TGS1: variants seen among roughly 807,000 people sequenced by gnomAD.
TGS1 encodes the protein trimethylguanosine synthase.
In TGS1, 69 loss-of-function variants were observed where a neutral mutation model predicts 92.2. The observed-to-expected ratio is 0.75, with a 90% CI of 0.62 to 0.91. The LOEUF is 0.91. TGS1 is among the 40% of genes least tolerant of loss of function. The pLI is 0.00. For synonymous variants in TGS1, 345 were observed against 338.1 expected (o/e 1.02, Z -0.22); for missense variants, 1,062 against 1,001.2 (o/e 1.06, Z -0.82).
At chr8:55,790,578 A>G (rs1257233043) in intron 5 of TGS1, among the ~76,000 whole-genome samples, 2 of 150,980 alleles carry the variant, frequency 1.3e-5, no homozygotes, top group African/African-American at 2.4e-5. Flanking sequence ...ATAGCTCACT[A>G]TGATCTTGAA....
rs1254688760 is a variant in TGS1 at position 55,796,148 on chromosome 8, G to C, written c.1538G>C (p.Ser513Thr). The C allele has an allele frequency of 1.9e-6, 3 of 1,603,494 alleles. No individual in the cohort carries two copies. Among genetic ancestry groups the C allele is most frequent in the Non-Finnish European group, 2.6e-6 (3 of 1,173,018 alleles). Reference protein sequence around the residue: ...KPFFKKSKILSKVEKFLTWVN... With the variant: ...KPFFKKSKILTKVEKFLTWVN... ...TTTTTCAAGAAAAGCAAAATTCTGA[G>C]TAAGGTATGTATAAATTTTGTTGCA... Residue 513 changes from serine to threonine, a missense_variant, in exon 7 of 13, where the codon AGT (serine) becomes ACT (threonine). Physicochemically the swap from Ser to Thr is moderately conservative, Grantham distance 58 (BLOSUM62 1). Coordinates refer to ENST00000260129, the MANE Select transcript of TGS1 (RefSeq NM_024831.8).
Position 55,825,821 on chromosome 8 carries a change from G to A in TGS1, c.*1118G>A, listed in dbSNP as rs1401704725. ...GGTGAAATTACTTTTTCATTAATTC[G>A]CAATTTCAAAATCTGTCCAAATGTT... is the stretch of plus-strand genomic sequence containing the variant. On this transcript the variant is annotated 3_prime_UTR_variant, in exon 13 of 13. Transcript: ENST00000260129. Among the ~76,000 whole-genome samples the A allele has an allele frequency of 1.3e-5, 2 of 151,788 alleles. No individual in the cohort carries two copies. The highest frequency in any genetic ancestry group is 2.9e-5 in the Non-Finnish European group (2 of 67,982).
At chr8:55,819,731 T>G (rs1437418778) in intron 12 of TGS1, among the ~76,000 whole-genome samples, 1 of 152,218 alleles carries the variant, frequency 6.6e-6, no homozygotes, top group Non-Finnish European at 1.5e-5. Flanking sequence ...TTAATGAATA[T>G]TTTTAAGTTT....
chr8:55,822,234 A>T (rs933770756), intron 12 of TGS1, among the ~76,000 whole-genome samples: 6 of 151,770 alleles, frequency 4.0e-5, no homozygotes, highest in African/African-American at 1.5e-4. Context: ...CACCCCCAGC[A>T]AATTTTTTTG....
At position 55,802,614 on chromosome 8, in the gene TGS1, A is replaced by G. The variant is rs1812250582; in HGVS notation, c.1999+8A>G. 3 of 1,586,194 alleles carry G rather than the reference A, an allele frequency of 1.9e-6. No homozygotes were observed. Among genetic ancestry groups the G allele is most frequent in the Non-Finnish European group, 2.6e-6 (3 of 1,170,784 alleles). ...GGATTAAGTTGGACAGAGGTAAAGTATATATGTATTTTTTAGCTTTATTTT... is the reference window on the plus strand; with the variant it reads ...GGATTAAGTTGGACAGAGGTAAAGTGTATATGTATTTTTTAGCTTTATTTT... On this transcript the variant is annotated splice_region_variant and intron_variant, in intron 9 of 12. Coordinates refer to ENST00000260129, the MANE Select transcript of TGS1 (RefSeq NM_024831.8).
chr8:55,819,444 A>G (rs1189046598), intron 12 of TGS1, among the ~76,000 whole-genome samples: 2 of 151,188 alleles, frequency 1.3e-5, no homozygotes, highest in Non-Finnish European at 2.9e-5. Context: ...TTACAGGCAT[A>G]TGCCACTATG....
At chr8:55,780,403 A>G (rs1563449585) in intron 1 of TGS1, among the ~76,000 whole-genome samples, 1 of 152,026 alleles carries the variant, frequency 6.6e-6, no homozygotes, top group Non-Finnish European at 1.5e-5. Context: ...ATGTTTCATC[A>G]GGAATAGTTG....
chr8:55,805,299 T>C (rs929997532), intron 10 of TGS1, among the ~76,000 whole-genome samples: 2 of 152,142 alleles, frequency 1.3e-5, no homozygotes, highest in Admixed American at 1.3e-4. Context: ...GTAAATATAT[T>C]GGAAAATGTT....
chr8:55,792,105 C>T (rs151257657), intron 5 of TGS1, among the ~76,000 whole-genome samples: 18 of 152,300 alleles, frequency 1.2e-4, no homozygotes, highest in African/African-American at 2.6e-4. Flanking sequence ...GTTCAATGAG[C>T]GTAACTTATT....
chr8:55,817,154 C>T (rs766469933), intron 12 of TGS1, among the ~76,000 whole-genome samples: 2 of 152,170 alleles, frequency 1.3e-5, no homozygotes, highest in African/African-American at 2.4e-5. Context: ...TGAGCCACCA[C>T]GCCTGGCCCT....
rs1811285598 is a variant in TGS1, at chr8:55,773,690, A to T, written c.72A>T (p.Ile24=). The T allele has an allele frequency of 6.2e-7, 1 of 1,611,402 alleles. No individual in the cohort carries two copies. Among genetic ancestry groups the T allele is most frequent in the African/African-American group, 1.3e-5 (1 of 74,958 alleles). ...LFIEEREDCK[I]LCLCSRAFVE... is the part of the protein sequence containing the mutation. ...TTGAGGAGCGGGAGGATTGTAAGATACTGTGCCTTTGCTCCAGGGCATTTG... is the reference window on the plus strand; with the variant it reads ...TTGAGGAGCGGGAGGATTGTAAGATTCTGTGCCTTTGCTCCAGGGCATTTG... Residue 24 remains isoleucine, a synonymous_variant, in exon 1 of 13, where the codon ATA becomes ATT. Coordinates refer to ENST00000260129, the MANE Select transcript of TGS1 (RefSeq NM_024831.8).
intron 12 of TGS1, among the ~76,000 whole-genome samples, chr8:55,819,740 T>C (rs1421551976): frequency 2.0e-5 from 3 of 152,322 alleles, no homozygotes; most frequent in Admixed American, 6.5e-5. Context: ...ATTTTTAAGT[T>C]TGAATGATGC....
At chr8:55,800,687 T>C (rs1812192494) in intron 8 of TGS1, among the ~76,000 whole-genome samples, 1 of 152,246 alleles carries the variant, frequency 6.6e-6, no homozygotes, top group African/African-American at 2.4e-5. Flanking sequence ...CACAATGTCA[T>C]TATACCCCCT....
At position 55,802,913 on chromosome 8, in the gene TGS1, A is replaced by G. The variant is rs190613268; in HGVS notation, c.1999+307A>G. Reference sequence around the variant, plus strand: ...ACATTGTTCCAATATTTTAATCTACAGTTTATACTCTAATTTCATTAATTG... The same window carrying G: ...ACATTGTTCCAATATTTTAATCTACGGTTTATACTCTAATTTCATTAATTG... On this transcript the variant is annotated intron_variant, in intron 9 of 12. Transcript: ENST00000260129. 1.3e-4 allele frequency among the ~76,000 whole-genome samples: 20 copies of G among 152,044 alleles called. No homozygotes were observed. The East Asian group carries it at 3.9e-3, about 29-fold the overall frequency.
chr8:55,813,003 C>G, intron 11 of TGS1, 37 bp from the exon 12 acceptor site: 2 of 1,358,678 alleles, frequency 1.5e-6, no homozygotes, highest in Non-Finnish European at 1.1e-6. Flanking sequence ...TAGAAATTAG[C>G]TGCTGTTTTC....
intron 12 of TGS1, among the ~76,000 whole-genome samples, chr8:55,814,338 C>T (rs1803415123): frequency 6.6e-6 from 1 of 152,054 alleles, no homozygotes; most frequent in South Asian, 2.1e-4. Flanking sequence ...AATTTTTAAA[C>T]TGCCCAAAGT....
Position 55,796,154 on chromosome 8 carries a change from T to C in TGS1, c.1542+2T>C. 2.5e-6 allele frequency: 4 copies of C among 1,598,956 alleles called. No homozygotes were observed. Among genetic ancestry groups the C allele is most frequent in the Non-Finnish European group, 3.4e-6 (4 of 1,170,614 alleles). Reference sequence around the variant, plus strand: ...AAGAAAAGCAAAATTCTGAGTAAGGTATGTATAAATTTTGTTGCATATTTG... The same window carrying C: ...AAGAAAAGCAAAATTCTGAGTAAGGCATGTATAAATTTTGTTGCATATTTG... On this transcript the variant is annotated splice_donor_variant, in intron 7 of 12. Transcript: ENST00000260129. LOFTEE classifies it high-confidence loss of function.
In TGS1 at chr8:55,786,625, CAACTT is replaced by C. The variant is rs1453230648; in HGVS notation, c.728_732del (p.Gln243LeufsTer19). The C allele has an allele frequency of 6.2e-7, 1 of 1,614,002 alleles. No individual in the cohort carries two copies. The highest frequency in any genetic ancestry group is 2.2e-5 in the East Asian group (1 of 44,894). On this transcript the variant is annotated frameshift_variant, in exon 4 of 13. Transcript: ENST00000260129. LOFTEE classifies it high-confidence loss of function. ...GGAAGAATGGGAGCAACATTATAGT[CAACTT>C]TATTGGTATTATTTGGAACAATTTC...
chr8:55,799,537 CAT>C (rs1812161112), intron 8 of TGS1, among the ~76,000 whole-genome samples: 1 of 152,250 alleles, frequency 6.6e-6, no homozygotes, highest in Non-Finnish European at 1.5e-5. Context: ...TAAAGGTGAC[CAT>C]CCTTTGCCTT....
Sources: gnomAD v4.1 joint callset for allele counts (sites outside exome capture counted in the v4.1 genomes callset) on GRCh38, gnomAD v4.1.1 for gene constraint, MANE v1.5 for transcripts, NCBI Gene and HGNC (gene_info 2026-07-23, HGNC 2026-07-21) for gene names.